Variants in VPS13B observed in about 807,000 individuals in gnomAD.
VPS13B encodes intermembrane lipid transfer protein VPS13B.
In VPS13B, 285 loss-of-function variants were observed where a neutral mutation model predicts 426.4. The ratio of observed to expected loss-of-function variants is 0.67; its 90% CI spans 0.61 to 0.74. The LOEUF is 0.74. VPS13B is among the 30% of genes least tolerant of loss of function. The probability of loss-of-function intolerance (pLI) is 0.00; values close to 1 mark genes in which losing one functional copy is unlikely to be tolerated. For synonymous variants in VPS13B, 1,676 were observed against 1,676.4 expected (o/e 1.00, Z 0.01); for missense variants, 4,537 against 4,782.6 (o/e 0.95, Z 1.51).
chr8:99,164,597 C>T (rs1037577657), intron 15 of VPS13B, among the ~76,000 whole-genome samples: 1 of 152,186 alleles, frequency 6.6e-6, no homozygotes, highest in Admixed American at 6.5e-5. Flanking sequence ...TGAAGACCCA[C>T]ATAAGTAGAA....
chr8:99,761,221 G>A lies in VPS13B; in HGVS notation c.7051-5553G>A, dbSNP rs1187895722. ...ACGCATAACTGACATACTTTGGTATGTATCTCCATAGTAATCTATTGTTTT... is the reference window on the plus strand; with the variant it reads ...ACGCATAACTGACATACTTTGGTATATATCTCCATAGTAATCTATTGTTTT... On this transcript the variant is annotated intron_variant, in intron 39 of 61. Transcript: ENST00000357162. Among the ~76,000 whole-genome samples the A allele has an allele frequency of 3.3e-5, 5 of 152,336 alleles. No homozygotes were observed. In the East Asian group the frequency reaches 9.6e-4, roughly 29 times the overall value.
rs187265406 is a variant in VPS13B, at chr8:99,269,948, A to G, written c.2516-4250A>G. ...CCTTATAAAAATCTGAGCTTTTAGCACTAAAAACAAATTACTTTATAAAAA... is the reference window on the plus strand; with the variant it reads ...CCTTATAAAAATCTGAGCTTTTAGCGCTAAAAACAAATTACTTTATAAAAA... On this transcript the variant is annotated intron_variant, in intron 17 of 61. Transcript: ENST00000357162. Among the ~76,000 whole-genome samples the G allele has an allele frequency of 7.0e-3, 1,058 of 152,044 alleles. 10 individuals carry two copies. The highest frequency in any genetic ancestry group is 0.012 in the Non-Finnish European group (793 of 67,986).
intron 33 of VPS13B, among the ~76,000 whole-genome samples, chr8:99,617,044 G>A (rs567161130): frequency 1.4e-4 from 22 of 152,280 alleles, no homozygotes; most frequent in South Asian, 4.1e-4. Flanking sequence ...ATGTAAAGTG[G>A]TAGCATATTA....
chr8:99,559,119 G>A (rs1396963985), intron 31 of VPS13B, among the ~76,000 whole-genome samples: 1 of 152,158 alleles, frequency 6.6e-6, no homozygotes, highest in Non-Finnish European at 1.5e-5. Context: ...GTGTGAGATG[G>A]TATCTTATTT....
Position 99,481,785 on chromosome 8 carries a change from A to T in VPS13B, c.3853A>T (p.Ile1285Phe). 6.2e-7 allele frequency: 1 copy of T among 1,613,866 alleles called. No individual in the cohort carries two copies. The highest frequency in any genetic ancestry group is 1.3e-5 in the African/African-American group (1 of 75,030). ...DTSTCSPSAD[I>F]GTTTEGDSIQ... Reference sequence around the variant, plus strand: ...CAGCACATGCAGCCCATCTGCTGACATTGGGACTACTACTGAGGTAAGTGT... The same window carrying T: ...CAGCACATGCAGCCCATCTGCTGACTTTGGGACTACTACTGAGGTAAGTGT... The change falls in exon 25 of 62, where the codon ATT becomes TTT. Residue 1285 changes from isoleucine (I) to phenylalanine (F), a missense_variant. Transcript: ENST00000357162.
intron 19 of VPS13B, among the ~76,000 whole-genome samples, chr8:99,324,683 GAT>G (rs1810149135): frequency 6.6e-6 from 1 of 152,162 alleles, no homozygotes. Context: ...TCAATTGTAA[GAT>G]ATGTTTTCAA....
At chr8:99,127,436 C>A (rs1360288095) in intron 8 of VPS13B, among the ~76,000 whole-genome samples, 6 of 151,702 alleles carry the variant, frequency 4.0e-5, no homozygotes, top group African/African-American at 1.5e-4. Flanking sequence ...CAGTTGTGCA[C>A]CCCCACCCCC....
chr8:99,656,821 C>G (rs931651715), intron 34 of VPS13B, among the ~76,000 whole-genome samples: 1 of 152,182 alleles, frequency 6.6e-6, no homozygotes, highest in Non-Finnish European at 1.5e-5. Context: ...TTACCTCTAT[C>G]AATGTTAATG....
At chr8:99,668,568 A>C (rs1830578803) in intron 35 of VPS13B, among the ~76,000 whole-genome samples, 2 of 152,086 alleles carry the variant, frequency 1.3e-5, no homozygotes, top group East Asian at 1.9e-4. Flanking sequence ...AGAGTTCTTG[A>C]GTATTCCCCT....
intron 39 of VPS13B, among the ~76,000 whole-genome samples, chr8:99,743,807 C>A (rs1438407004): frequency 6.6e-6 from 1 of 152,140 alleles, no homozygotes; most frequent in Non-Finnish European, 1.5e-5. Flanking sequence ...CTTCCTTACA[C>A]CTTATACAAA....
At chr8:99,590,294 A>C (rs57281571) in intron 33 of VPS13B, among the ~76,000 whole-genome samples, 20,805 of 151,872 alleles carry the variant, frequency 0.14, 1,980 homozygotes, top group East Asian at 0.39. Flanking sequence ...TAGCTTCTGG[A>C]TTCATTGATT....
intron 2 of VPS13B, 52 bp from the exon 3 acceptor site, chr8:99,038,366 TTATAA>T: frequency 2.9e-6 from 4 of 1,382,844 alleles, no homozygotes; most frequent in Non-Finnish European, 3.9e-6. Flanking sequence ...AATTTGCATA[TTATAA>T]TAAAAAATAT....
chr8:99,341,048 T>C (rs760476662), intron 19 of VPS13B: 3 of 273,308 alleles, frequency 1.1e-5, no homozygotes, highest in Admixed American at 4.0e-5. Flanking sequence ...ATGGATAGAT[T>C]ATAACTGATG....
At chr8:99,144,560 C>G (rs1425563868) in intron 13 of VPS13B, among the ~76,000 whole-genome samples, 1 of 151,212 alleles carries the variant, frequency 6.6e-6, no homozygotes. Flanking sequence ...AGCAACTTTA[C>G]TGTTACCTTA....
rs563818589 is a variant in VPS13B, at chr8:99,278,568, C to G, written c.2824+3314C>G. ...TTCAATGACTTGTCCAATTGCCTAG[C>G]AAGTCAGTCTTTGAACTAGAACTTG... On this transcript the variant is annotated intron_variant, in intron 19 of 61. Coordinates refer to ENST00000357162, the MANE Select transcript of VPS13B (RefSeq NM_152564.5). 5.9e-5 allele frequency among the ~76,000 whole-genome samples: 9 copies of G among 152,320 alleles called. 1 individual carries two copies. The South Asian group carries it at 1.9e-3, about 32-fold the overall frequency.
At chr8:99,816,092 T>TTCTC (rs570168760) in intron 44 of VPS13B, among the ~76,000 whole-genome samples, 1 of 151,318 alleles carries the variant, frequency 6.6e-6, no homozygotes, top group Non-Finnish European at 1.5e-5. Flanking sequence ...CCCATTTGTT[T>TTCTC]TCTCTCTCTC....
At chr8:99,677,246 C>G (rs552766505) in intron 35 of VPS13B, among the ~76,000 whole-genome samples, 1 of 152,298 alleles carries the variant, frequency 6.6e-6, no homozygotes, top group African/African-American at 2.4e-5. Context: ...AGGCCTATAC[C>G]TTAATCATGA....
chr8:99,117,682 C>T (rs555618148), intron 7 of VPS13B, among the ~76,000 whole-genome samples: 1 of 152,266 alleles, frequency 6.6e-6, no homozygotes, highest in South Asian at 2.1e-4. Context: ...TAAGTGAAAG[C>T]AGCCAGTCAA....
At chr8:99,445,571 C>A (rs1184862895) in intron 23 of VPS13B, among the ~76,000 whole-genome samples, 1 of 150,426 alleles carries the variant, frequency 6.6e-6, no homozygotes, top group East Asian at 1.9e-4. Flanking sequence ...TAAACATAAT[C>A]TAAAAAGTTT....
Sources: allele counts gnomAD v4.1 joint callset (sites outside exome capture counted in the v4.1 genomes callset), GRCh38; gene constraint gnomAD v4.1.1; transcripts MANE v1.5; gene names NCBI Gene and HGNC (gene_info 2026-07-23, HGNC 2026-07-21).